SLC2A13: variants seen among roughly 807,000 people sequenced by gnomAD.
The protein encoded by SLC2A13 is solute carrier family 2 member 13.
A neutral mutation model predicts 64.4 loss-of-function variants in SLC2A13; 32 were observed. That is an observed-to-expected ratio of 0.50 (90% CI 0.37 to 0.67). SLC2A13 has a LOEUF of 0.67. SLC2A13 is among the 30% of genes least tolerant of loss of function. The pLI is 0.00. For synonymous variants in SLC2A13, 338 were observed against 327.1 expected, an observed-to-expected ratio of 1.03 and a Z score of -0.36; for missense variants, 743 against 829.2, an observed-to-expected ratio of 0.90 and a Z score of 1.28.
At chr12:39,975,106 T>C (rs556026718) in intron 3 of SLC2A13, among the ~76,000 whole-genome samples, 3 of 152,340 alleles carry the variant, frequency 2.0e-5, no homozygotes, top group African/African-American at 7.2e-5. Flanking sequence ...TACTATTCAT[T>C]ATGGTGATGC....
At chr12:39,975,732 G>T (rs1345390712) in intron 3 of SLC2A13, among the ~76,000 whole-genome samples, 1 of 152,204 alleles carries the variant, frequency 6.6e-6, no homozygotes, top group Non-Finnish European at 1.5e-5. Flanking sequence ...GATGACTCAT[G>T]CACAAAACAG....
chr12:39,963,061 C>T (rs1273072251), intron 3 of SLC2A13, among the ~76,000 whole-genome samples: 3 of 151,880 alleles, frequency 2.0e-5, no homozygotes, highest in Non-Finnish European at 4.4e-5. Context: ...CTGAGGCAGG[C>T]GGATCACGAG....
chr12:40,068,712 T>G (rs1937839263), intron 1 of SLC2A13: 2 of 152,132 alleles, frequency 1.3e-5, no homozygotes, highest in Non-Finnish European at 2.9e-5. Context: ...CACAGAAAAT[T>G]TAACCCTCAG....
chr12:39,820,444 A>G, intron 7 of SLC2A13, among the ~76,000 whole-genome samples: 1 of 152,182 alleles, frequency 6.6e-6, no homozygotes, highest in Non-Finnish European at 1.5e-5. Context: ...ATGGATTGCT[A>G]TTGTACAAAC....
At chr12:39,930,151 A>G (rs1389614953) in intron 4 of SLC2A13, among the ~76,000 whole-genome samples, 1 of 151,902 alleles carries the variant, frequency 6.6e-6, no homozygotes, top group African/African-American at 2.4e-5. Flanking sequence ...AAAAACCAAA[A>G]AACGAAAAAG....
intron 1 of SLC2A13, among the ~76,000 whole-genome samples, chr12:40,070,155 G>GAA (rs373099878): frequency 0.011 from 1,577 of 142,012 alleles, 12 homozygotes; most frequent in Non-Finnish European, 0.015. Flanking sequence ...TCTATGGCAG[G>GAA]AAAAAAAAAA....
intron 2 of SLC2A13, among the ~76,000 whole-genome samples, chr12:40,034,974 C>A (rs1341606085): frequency 6.6e-6 from 1 of 152,102 alleles, no homozygotes. Context: ...GAGATGGCAT[C>A]CCCCCGAGCT....
intron 7 of SLC2A13, among the ~76,000 whole-genome samples, chr12:39,812,473 C>T (rs1489377503): frequency 6.7e-6 from 1 of 149,894 alleles, no homozygotes; most frequent in African/African-American, 2.5e-5. Context: ...CTTTCTTTCT[C>T]CCCTTCTCTC....
At chr12:39,999,777 A>G (rs1343293474) in intron 3 of SLC2A13, among the ~76,000 whole-genome samples, 1 of 152,162 alleles carries the variant, frequency 6.6e-6, no homozygotes, top group Non-Finnish European at 1.5e-5. Flanking sequence ...CCTCAGAAGC[A>G]TGTGATCTTT....
At chr12:40,022,248 T>C (rs1947732482) in intron 3 of SLC2A13, among the ~76,000 whole-genome samples, 1 of 152,206 alleles carries the variant, frequency 6.6e-6, no homozygotes, top group South Asian at 2.1e-4. Flanking sequence ...CTAAACTCAT[T>C]TGTTGATAAA....
In SLC2A13 at chr12:39,987,676, A is replaced by G. The variant is rs921031250; in HGVS notation, c.926-36311T>C. Among the ~76,000 whole-genome samples the G allele has an allele frequency of 2.0e-5, 3 of 152,134 alleles. No individual in the cohort carries two copies. In the East Asian group the frequency reaches 5.8e-4, roughly 29 times the overall value. Reference sequence around the variant, plus strand: ...TACTTGAAAAGCTGCCAAAGGTCAAATTTATTTTTTTTCACTTTTTGATAA... The same window carrying G: ...TACTTGAAAAGCTGCCAAAGGTCAAGTTTATTTTTTTTCACTTTTTGATAA... On this transcript the variant is annotated intron_variant, in intron 3 of 9. Transcript: ENST00000280871.
Position 39,897,014 on chromosome 12 carries a change from G to A in SLC2A13, c.1035-25053C>T, listed in dbSNP as rs76660478. On this transcript the variant is annotated intron_variant, in intron 4 of 9. Coordinates refer to ENST00000280871, the MANE Select transcript of SLC2A13 (RefSeq NM_052885.4). Reference sequence around the variant, plus strand: ...GGTTTAGTAAAAGAAAAAACACTGAGGAAGAGACCAACAAGTTCTAACCCT... The same window carrying A: ...GGTTTAGTAAAAGAAAAAACACTGAAGAAGAGACCAACAAGTTCTAACCCT... 5.7e-3 allele frequency among the ~76,000 whole-genome samples: 875 copies of A among 152,198 alleles called. 11 individuals are homozygous for A. The highest frequency in any genetic ancestry group is 0.02 in the African/African-American group (831 of 41,538).
chr12:39,937,704 T>C (rs540010113), intron 4 of SLC2A13, among the ~76,000 whole-genome samples: 1 of 152,202 alleles, frequency 6.6e-6, no homozygotes, highest in South Asian at 2.1e-4. Context: ...CCACAGAACC[T>C]TAAATTCACA....
intron 4 of SLC2A13, chr12:39,950,467 T>C (rs1032466684): frequency 6.6e-6 from 1 of 152,150 alleles, no homozygotes; most frequent in African/African-American, 2.4e-5. Context: ...GTCTACTCTG[T>C]AGAGAATTGA....
intron 6 of SLC2A13, among the ~76,000 whole-genome samples, chr12:39,851,529 C>T (rs1943468549): frequency 6.6e-6 from 1 of 152,088 alleles, no homozygotes; most frequent in Non-Finnish European, 1.5e-5. Context: ...TGTACAACAC[C>T]ATTTCAAAAA....
chr12:39,837,956 A>G (rs1024571984), intron 6 of SLC2A13, among the ~76,000 whole-genome samples: 5 of 151,270 alleles, frequency 3.3e-5, no homozygotes, highest in African/African-American at 1.2e-4. Context: ...ATCTAGAACT[A>G]GAAATACCAT....
intron 4 of SLC2A13, among the ~76,000 whole-genome samples, chr12:39,927,211 AATG>A (rs1945745269): frequency 6.6e-6 from 1 of 152,178 alleles, no homozygotes; most frequent in South Asian, 2.1e-4. Flanking sequence ...CCTTTTATGA[AATG>A]ATCCACTACA....
rs1434102655 is a variant in SLC2A13, at chr12:39,800,249, A to G, written c.1445+29854T>C. ...AACAGAAAAAATAATTTGTGACTAGAATCTCTTCTGAGAATAATATAAATA... is the reference window on the plus strand; with the variant it reads ...AACAGAAAAAATAATTTGTGACTAGGATCTCTTCTGAGAATAATATAAATA... On this transcript the variant is annotated intron_variant, in intron 7 of 9. Coordinates refer to ENST00000280871, the MANE Select transcript of SLC2A13 (RefSeq NM_052885.4). Among the ~76,000 whole-genome samples the G allele has an allele frequency of 2.0e-5, 3 of 152,206 alleles. No homozygotes were observed. In the East Asian group the frequency reaches 5.8e-4, roughly 29 times the overall value.
At chr12:40,058,200 G>C (rs1419434602) in intron 1 of SLC2A13, among the ~76,000 whole-genome samples, 2 of 151,994 alleles carry the variant, frequency 1.3e-5, no homozygotes, top group African/African-American at 2.4e-5. Flanking sequence ...CACATAACTT[G>C]TTTTCCCAGG....
Sources: allele counts gnomAD v4.1 joint callset (sites outside exome capture counted in the v4.1 genomes callset), GRCh38; gene constraint gnomAD v4.1.1; transcripts MANE v1.5; gene names NCBI Gene and HGNC (gene_info 2026-07-23, HGNC 2026-07-21).